Variants in TRIM55 observed in about 807,000 individuals in gnomAD.
The protein encoded by TRIM55 is tripartite motif-containing protein 55.
Under a neutral mutation model 60.9 loss-of-function variants are expected in TRIM55, and 50 were observed. That is an observed-to-expected ratio of 0.82 (90% confidence interval 0.65 to 1.04). TRIM55 has a LOEUF of 1.04. TRIM55 is among the 50% of genes least tolerant of loss of function. The probability of loss-of-function intolerance (pLI) is 0.00; values close to 1 mark genes in which losing one functional copy is unlikely to be tolerated. For synonymous variants in TRIM55, 237 were observed against 238.1 expected, an observed-to-expected ratio of 1.00 and a Z score of 0.04; for missense variants, 681 against 666.9, an observed-to-expected ratio of 1.02 and a Z score of -0.23.
chr8:66,143,928 A>C (rs192701436), intron 4 of TRIM55, among the ~76,000 whole-genome samples: 1 of 152,316 alleles, frequency 6.6e-6, no homozygotes, highest in Admixed American at 6.5e-5. Flanking sequence ...TGAACCAATA[A>C]AAATCTAGCC....
intron 5 of TRIM55, 149 bp downstream of exon 5, chr8:66,150,027 T>C (rs757416938): frequency 2.2e-6 from 2 of 918,764 alleles, no homozygotes; most frequent in East Asian, 5.3e-5. Context: ...ATTAATCTAT[T>C]TAAACAACTT....
chr8:66,142,179 C>T (rs1289849693), intron 4 of TRIM55, among the ~76,000 whole-genome samples: 1 of 152,190 alleles, frequency 6.6e-6, no homozygotes, highest in Non-Finnish European at 1.5e-5. Flanking sequence ...GCCTCAGAGT[C>T]ATCTTGGAAA....
chr8:66,154,247 A>C lies in TRIM55; in HGVS notation c.1437A>C (p.Val479=). ...IGPPGSEDSN[V]RKAEVAAAAA... ...CTCCAGGTTCTGAGGATTCGAATGT[A>C]CGGAAGGCAGAAGTGGCAGCAGCCG... Residue 479 remains valine (V), a synonymous_variant, in exon 9 of 10, where the codon GTA becomes GTC. Coordinates refer to ENST00000315962, the MANE Select transcript of TRIM55 (RefSeq NM_184085.2). The C allele has an allele frequency of 6.2e-7, 1 of 1,614,154 alleles. No homozygotes were observed. Among genetic ancestry groups the C allele is most frequent in the South Asian group, 1.1e-5 (1 of 91,078 alleles).
At chr8:66,173,469 T>G (rs1427707618) in intron 9 of TRIM55, among the ~76,000 whole-genome samples, 1 of 152,232 alleles carries the variant, frequency 6.6e-6, no homozygotes, top group Non-Finnish European at 1.5e-5. Flanking sequence ...GTATTATCCA[T>G]TCATATCGCA....
At chr8:66,163,725 A>T (rs1394433862) in intron 9 of TRIM55, among the ~76,000 whole-genome samples, 1 of 152,246 alleles carries the variant, frequency 6.6e-6, no homozygotes, top group Non-Finnish European at 1.5e-5. Context: ...TTCCACATGC[A>T]TGTGAAAACA....
Position 66,152,233 on chromosome 8 carries a change from G to A in TRIM55, c.986-144G>A, listed in dbSNP as rs141979347. The A allele has an allele frequency of 5.4e-5, 61 of 1,132,620 alleles. No homozygotes were observed. The East Asian group carries it at 9.8e-4, about 18-fold the overall frequency. 70.2% of individuals were successfully genotyped at this position (1,132,620 alleles called of 1,614,324 possible). A position where few individuals can be genotyped will look rare whatever the true frequency, so the allele number is the denominator to read the frequency against. ...CACTAGAAGCACAAAGCCCTGGCAC[G>A]GCACACTTGGACCATTGTCAAGTGT... On this transcript the variant is annotated intron_variant, in intron 7 of 9. Coordinates refer to ENST00000315962, the MANE Select transcript of TRIM55 (RefSeq NM_184085.2).
chr8:66,144,965 C>T (rs1452435166), intron 4 of TRIM55, among the ~76,000 whole-genome samples: 3 of 152,184 alleles, frequency 2.0e-5, no homozygotes, highest in Admixed American at 1.3e-4. Context: ...TTCACATTAA[C>T]AAAGGCACAG....
At position 66,150,416 on chromosome 8, in the gene TRIM55, T is replaced by G; in HGVS notation, c.935T>G (p.Val312Gly). The change falls in exon 7 of 10, where the codon GTC (valine) becomes GGC (glycine). Residue 312 changes from valine (V) to glycine (G), a missense_variant. By Grantham distance (109) the Val-to-Gly change is moderately radical (BLOSUM62 -3). Transcript: ENST00000315962. ...HGYENMNHFTVNLNREEKIIR... is the reference protein window; with the variant it reads ...HGYENMNHFTGNLNREEKIIR... ...TATGAGAACATGAACCACTTCACAG[T>G]CAACCTCAATAGAGAAGAAAAGATA... 1 of 1,614,190 alleles carries G rather than the reference T, an allele frequency of 6.2e-7. No individual in the cohort carries two copies. Among genetic ancestry groups the G allele is most frequent in the Non-Finnish European group, 8.5e-7 (1 of 1,180,010 alleles).
intron 9 of TRIM55, among the ~76,000 whole-genome samples, chr8:66,157,083 C>T (rs1810784676): frequency 1.3e-5 from 2 of 152,246 alleles, no homozygotes; most frequent in South Asian, 4.1e-4. Context: ...GGGTTTAGGG[C>T]TTTGTCACTA....
intron 9 of TRIM55, among the ~76,000 whole-genome samples, chr8:66,172,535 A>G (rs923222300): frequency 6.6e-6 from 1 of 152,252 alleles, no homozygotes; most frequent in Admixed American, 6.5e-5. Context: ...AACCCAAACT[A>G]TGTAATCCCA....
chr8:66,136,577 A>C (rs555567203), intron 3 of TRIM55, among the ~76,000 whole-genome samples: 19 of 152,160 alleles, frequency 1.2e-4, no homozygotes, highest in Non-Finnish European at 2.9e-5. Flanking sequence ...AAGTCAAAAG[A>C]GCAAAGGAAT....
At chr8:66,136,377 C>A (rs750105210) in intron 3 of TRIM55, among the ~76,000 whole-genome samples, 1 of 152,178 alleles carries the variant, frequency 6.6e-6, no homozygotes, top group African/African-American at 2.4e-5. Flanking sequence ...TGTTCTGGTC[C>A]AATCTTCTCC....
At chr8:66,118,724 T>G in the TRIM55 span, among the ~76,000 whole-genome samples, 4 of 152,172 alleles carry the variant, frequency 2.6e-5, no homozygotes, top group African/African-American at 9.7e-5. Flanking sequence ...CCAAAGGAAA[T>G]AACATTATGC....
chr8:66,121,031 G>C, the TRIM55 span, among the ~76,000 whole-genome samples: 1 of 152,164 alleles, frequency 6.6e-6, no homozygotes, highest in African/African-American at 2.4e-5. Flanking sequence ...TCTCTTTCCT[G>C]GGCCCTGGCC....
chr8:66,160,773 G>A (rs1811003350), intron 9 of TRIM55, among the ~76,000 whole-genome samples: 1 of 151,734 alleles, frequency 6.6e-6, no homozygotes, highest in Non-Finnish European at 1.5e-5. Context: ...TAATTAGTGA[G>A]GTTGAGCATT....
intron 2 of TRIM55, 69 bp downstream of exon 2, chr8:66,128,545 G>T: frequency 6.6e-7 from 1 of 1,509,624 alleles, no homozygotes; most frequent in Non-Finnish European, 9.0e-7. Flanking sequence ...TGTTTTAATG[G>T]GTTGCTACGC....
At chr8:66,147,768 G>A (rs758375988) in intron 4 of TRIM55, among the ~76,000 whole-genome samples, 2 of 143,562 alleles carry the variant, frequency 1.4e-5, no homozygotes, top group East Asian at 2.1e-4. Flanking sequence ...GCACTCCAGC[G>A]TGGGTGACAG....
At chr8:66,118,193 A>G in the TRIM55 span, among the ~76,000 whole-genome samples, 4 of 140,668 alleles carry the variant, frequency 2.8e-5, no homozygotes, top group Non-Finnish European at 6.1e-5. Context: ...AAAAAAAAAA[A>G]AAGAAGTGTT....
chr8:66,128,497 C>G, intron 2 of TRIM55, 21 bp downstream of exon 2: 1 of 1,607,482 alleles, frequency 6.2e-7, no homozygotes. Flanking sequence ...TCCACTCTTC[C>G]ATGTGTCAAG....
Sources: gnomAD v4.1 joint callset for allele counts (sites outside exome capture counted in the v4.1 genomes callset) on GRCh38, gnomAD v4.1.1 for gene constraint, MANE v1.5 for transcripts, NCBI Gene and HGNC (gene_info 2026-07-23, HGNC 2026-07-21) for gene names.